Variants in TWSG1 observed in about 807,000 individuals in gnomAD.
TWSG1 encodes twisted gastrulation BMP signaling modulator 1.
TWSG1 carries 15 observed loss-of-function variants against 23.0 expected under a neutral mutation model. That is an observed-to-expected ratio of 0.65 (90% CI 0.44 to 1.00). The LOEUF (loss-of-function observed/expected upper bound fraction) is 1.00. TWSG1 is among the 50% of genes least tolerant of loss of function. TWSG1 has a pLI of 0.00. For missense variants in TWSG1, 242 were observed against 278.7 expected, an observed-to-expected ratio of 0.87 and a Z score of 0.94; for synonymous variants, 86 against 92.8, an observed-to-expected ratio of 0.93 and a Z score of 0.42.
chr18:9,370,733 G>A lies in TWSG1; in HGVS notation c.223+10662G>A, dbSNP rs771763698. ...TCCAAAATTAACTCCAGCCATAGATGTTTTCTACTAGTAATAGTAGCTTCT... is the reference window on the plus strand; with the variant it reads ...TCCAAAATTAACTCCAGCCATAGATATTTTCTACTAGTAATAGTAGCTTCT... On this transcript the variant is annotated intron_variant, in intron 3 of 4. Coordinates refer to ENST00000262120, the MANE Select transcript of TWSG1 (RefSeq NM_020648.6). Among the ~76,000 whole-genome samples, 24 of 152,210 alleles carry A rather than the reference G, an allele frequency of 1.6e-4. No individual in the cohort carries two copies. The Middle Eastern group carries it at 0.01, about 65-fold the overall frequency.
At chr18:9,359,785 T>A (rs1432041487) in intron 2 of TWSG1, among the ~76,000 whole-genome samples, 187 bp from the exon 3 acceptor site, 2 of 152,100 alleles carry the variant, frequency 1.3e-5, no homozygotes, top group Non-Finnish European at 2.9e-5. Context: ...ACTGAATATA[T>A]CCAAAAAAAA....
At position 9,386,583 on chromosome 18, in the gene TWSG1, AAAAAAG is replaced by A. The variant is rs557543253; in HGVS notation, c.224-9691_224-9686del. Among the ~76,000 whole-genome samples the A allele has an allele frequency of 4.2e-3, 646 of 152,194 alleles. 3 individuals carry two copies. The highest frequency in any genetic ancestry group is 7.9e-3 in the Non-Finnish European group (537 of 68,002). ...AATAGGCACTCCAGAAGAATTAAAA[AAAAAAG>A]AAAAAAGGAAGGAGGGAAGAAATTA... On this transcript the variant is annotated intron_variant, in intron 3 of 4. Transcript: ENST00000262120.
chr18:9,352,935 A>G (rs1030045388), intron 2 of TWSG1, among the ~76,000 whole-genome samples: 4 of 152,260 alleles, frequency 2.6e-5, no homozygotes, highest in Non-Finnish European at 5.9e-5. Context: ...GGCACTGTGT[A>G]ACAACATTTT....
rs1343938713 is a variant in TWSG1 at position 9,400,423 on chromosome 18, T to A, written c.*896T>A. 1 of 152,118 alleles carries A rather than the reference T, an allele frequency of 6.6e-6. No homozygotes were observed. The highest frequency in any genetic ancestry group is 2.4e-5 in the African/African-American group (1 of 41,412). 9.4% of individuals were successfully genotyped at this position (152,118 alleles called of 1,614,324 possible). On this transcript the variant is annotated 3_prime_UTR_variant, in exon 5 of 5. Transcript: ENST00000262120. Reference sequence around the variant, plus strand: ...CTTGTACCCTGGTAGGGAAATGGTGTTGCTGAAAGGGGAGGCTGAGCCAGT... The same window carrying A: ...CTTGTACCCTGGTAGGGAAATGGTGATGCTGAAAGGGGAGGCTGAGCCAGT...
rs144640251 is a variant in TWSG1, at chr18:9,336,041, T to G, written c.-38+1121T>G. Among the ~76,000 whole-genome samples the G allele has an allele frequency of 1.9e-3, 282 of 152,298 alleles. 3 individuals carry two copies. Among genetic ancestry groups the G allele is most frequent in the African/African-American group, 6.5e-3 (270 of 41,552 alleles). On this transcript the variant is annotated intron_variant, in intron 1 of 4. Transcript: ENST00000262120. ...TGTGCTAGTCTTTTTTCCTTCTTCT[T>G]TTTGAACTGTAGTATCTTCTTAATA...
At chr18:9,397,834 G>A (rs912995491) in intron 4 of TWSG1, among the ~76,000 whole-genome samples, 10 of 152,056 alleles carry the variant, frequency 6.6e-5, no homozygotes, top group African/African-American at 2.4e-4. Context: ...GAGAGACCTC[G>A]TCTCTACTAG....
rs1021693204 is a variant in TWSG1, at chr18:9,336,876, A to G, written c.-37-317A>G. Among the ~76,000 whole-genome samples the G allele has an allele frequency of 7.9e-5, 12 of 152,200 alleles. 1 individual carries two copies. Among genetic ancestry groups the G allele is most frequent in the Admixed American group, 4.6e-4 (7 of 15,284 alleles). Reference sequence around the variant, plus strand: ...TTATTGTTTATTTTTGAATGTTTATATAATCTTTCATTGAGAATGATCTTT... The same window carrying G: ...TTATTGTTTATTTTTGAATGTTTATGTAATCTTTCATTGAGAATGATCTTT... On this transcript the variant is annotated intron_variant, in intron 1 of 4. Transcript: ENST00000262120.
In TWSG1 at chr18:9,399,337, G is replaced by C; in HGVS notation, c.491-9G>C. ...TCTTGCCCTGAAATCTTAAATTTTT[G>C]TTTTTCAGAACACATGTGTACTGTG... On this transcript the variant is annotated splice_polypyrimidine_tract_variant and intron_variant, in intron 4 of 4. Coordinates refer to ENST00000262120, the MANE Select transcript of TWSG1 (RefSeq NM_020648.6). 1 of 1,539,054 alleles carries C rather than the reference G, an allele frequency of 6.5e-7. No homozygotes were observed. The highest frequency in any genetic ancestry group is 8.7e-7 in the Non-Finnish European group (1 of 1,144,806).
intron 2 of TWSG1, among the ~76,000 whole-genome samples, chr18:9,343,072 C>T (rs1484364180): frequency 6.6e-6 from 1 of 151,878 alleles, no homozygotes; most frequent in African/African-American, 2.4e-5. Flanking sequence ...TTAGTATCAT[C>T]TCATTAGCCT....
At chr18:9,367,125 T>G (rs1025204906) in intron 3 of TWSG1, among the ~76,000 whole-genome samples, 3 of 152,020 alleles carry the variant, frequency 2.0e-5, no homozygotes, top group Non-Finnish European at 4.4e-5. Context: ...AGAGATGGGG[T>G]CTCAATGTGT....
At chr18:9,342,606 T>G (rs1355883725) in intron 2 of TWSG1, among the ~76,000 whole-genome samples, 1 of 152,214 alleles carries the variant, frequency 6.6e-6, no homozygotes. Context: ...TTATATTGTT[T>G]TAAGTACTTA....
intron 3 of TWSG1, among the ~76,000 whole-genome samples, chr18:9,379,104 A>G (rs986458050): frequency 5.9e-5 from 9 of 152,320 alleles, no homozygotes; most frequent in African/African-American, 2.2e-4. Context: ...CATTGTGGAA[A>G]GCAGTGTAAC....
Position 9,399,360 on chromosome 18 carries a change from G to T in TWSG1, c.505G>T (p.Val169Leu). ...YSSDKEHMCTVVYFDDCMSIH... is the reference protein window; with the variant it reads ...YSSDKEHMCTLVYFDDCMSIH... ...TTGTTTTTCAGAACACATGTGTACT[G>T]TGGTTTATTTTGATGACTGCATGTC... Residue 169 changes from valine (V) to leucine (L), a missense_variant, in exon 5 of 5, where the codon GTG becomes TTG. Physicochemically the swap from Val to Leu is conservative, Grantham distance 32. Coordinates refer to ENST00000262120, the MANE Select transcript of TWSG1 (RefSeq NM_020648.6). 6.2e-7 allele frequency: 1 copy of T among 1,605,216 alleles called. No individual in the cohort carries two copies. Among genetic ancestry groups the T allele is most frequent in the Non-Finnish European group, 8.5e-7 (1 of 1,177,662 alleles).
At chr18:9,378,122 T>C (rs1363902669) in intron 3 of TWSG1, among the ~76,000 whole-genome samples, 2 of 152,052 alleles carry the variant, frequency 1.3e-5, no homozygotes, top group African/African-American at 4.8e-5. Flanking sequence ...GTAAAGAAAA[T>C]GAAAAGATCA....
intron 3 of TWSG1, among the ~76,000 whole-genome samples, chr18:9,363,235 C>A (rs2040560926): frequency 6.6e-6 from 1 of 152,132 alleles, no homozygotes; most frequent in African/African-American, 2.4e-5. Context: ...GTAAGAGTAA[C>A]CACCATAGTT....
At chr18:9,379,913 C>T (rs891246368) in intron 3 of TWSG1, among the ~76,000 whole-genome samples, 10 of 152,118 alleles carry the variant, frequency 6.6e-5, no homozygotes, top group Non-Finnish European at 1.3e-4. Flanking sequence ...TAATGAGAAA[C>T]TCAGATGAGA....
chr18:9,364,809 AG>A (rs2040570283), intron 3 of TWSG1, among the ~76,000 whole-genome samples: 2 of 152,036 alleles, frequency 1.3e-5, no homozygotes, highest in Non-Finnish European at 2.9e-5. Context: ...AAAAAAAAGA[AG>A]AAGAAGAAAA....
At chr18:9,386,584 A>T (rs763161610) in intron 3 of TWSG1, among the ~76,000 whole-genome samples, 16 of 150,960 alleles carry the variant, frequency 1.1e-4, no homozygotes, top group Non-Finnish European at 2.2e-4. Context: ...GAATTAAAAA[A>T]AAAAGAAAAA....
chr18:9,398,004 C>CAAAAAAAAA (rs573745689), intron 4 of TWSG1, among the ~76,000 whole-genome samples: 2 of 84,726 alleles, frequency 2.4e-5, no homozygotes, highest in Non-Finnish European at 4.6e-5. Context: ...AACTCCATCT[C>CAAAAAAAAA]AAAAAAAAAA....
Sources: allele counts gnomAD v4.1 joint callset (sites outside exome capture counted in the v4.1 genomes callset), GRCh38; gene constraint gnomAD v4.1.1; transcripts MANE v1.5; gene names NCBI Gene and HGNC (gene_info 2026-07-23, HGNC 2026-07-21).